CNOT2: variants seen among roughly 807,000 people sequenced by gnomAD.
CNOT2 encodes CC chemokine receptor 4-negative regulator of transcription 2.
Under a neutral mutation model 72.1 loss-of-function variants are expected in CNOT2, and 7 were observed. That is an observed-to-expected ratio of 0.10 (90% CI 0.06 to 0.18). The LOEUF is 0.18. Ranked by LOEUF, CNOT2 falls within the 10% of genes least tolerant of loss-of-function variation. The pLI is 1.00. For missense variants in CNOT2, 345 were observed against 660.3 expected, an observed-to-expected ratio of 0.52 and a Z score of 5.23; for synonymous variants, 196 against 225.6, an observed-to-expected ratio of 0.87 and a Z score of 1.17.
chr12:70,292,280 C>T (rs1175274665), intron 2 of CNOT2, among the ~76,000 whole-genome samples: 2 of 152,124 alleles, frequency 1.3e-5, no homozygotes, highest in African/African-American at 4.8e-5. Flanking sequence ...ATCTGACAAA[C>T]CCCAACTGTG....
chr12:70,277,294 A>G (rs1869002705), intron 1 of CNOT2, among the ~76,000 whole-genome samples: 1 of 152,038 alleles, frequency 6.6e-6, no homozygotes, highest in Non-Finnish European at 1.5e-5. Flanking sequence ...TTGAACTCTC[A>G]TTTTCAATAT....
intron 1 of CNOT2, among the ~76,000 whole-genome samples, chr12:70,260,563 A>G (rs1040056878): frequency 2.6e-5 from 4 of 152,074 alleles, no homozygotes; most frequent in South Asian, 2.1e-4. Context: ...TTAAACTGCT[A>G]TGTAAACTGT....
At chr12:70,293,824 G>T (rs1193159147) in intron 2 of CNOT2, among the ~76,000 whole-genome samples, 2 of 148,678 alleles carry the variant, frequency 1.3e-5, no homozygotes, top group African/African-American at 4.9e-5. Context: ...CAAAGTATTT[G>T]AACACACTGT....
intron 2 of CNOT2, among the ~76,000 whole-genome samples, chr12:70,304,469 C>T (rs1035917743): frequency 1.3e-5 from 2 of 152,206 alleles, no homozygotes; most frequent in Non-Finnish European, 2.9e-5. Flanking sequence ...GAGGTCCACT[C>T]CAGACCCTGT....
chr12:70,296,761 C>T (rs1018889829), intron 2 of CNOT2, among the ~76,000 whole-genome samples: 1 of 146,410 alleles, frequency 6.8e-6, no homozygotes, highest in Non-Finnish European at 1.5e-5. Context: ...ATTTAAGCCC[C>T]CCCCCCTTTT....
intron 2 of CNOT2, among the ~76,000 whole-genome samples, chr12:70,294,750 G>T (rs530983097): frequency 6.6e-5 from 10 of 152,248 alleles, no homozygotes; most frequent in African/African-American, 2.2e-4. Context: ...GAGGTATTAG[G>T]CAGGTAGCTA....
intron 14 of CNOT2, chr12:70,345,287 A>G (rs1882026071): frequency 6.6e-6 from 1 of 152,194 alleles, no homozygotes; most frequent in Non-Finnish European, 1.5e-5. Context: ...TATATAATTC[A>G]GTATGTTGAT....
In CNOT2 at chr12:70,333,599, G is replaced by T. The variant is rs1450962515; in HGVS notation, c.649+753G>T. 3.3e-5 allele frequency among the ~76,000 whole-genome samples: 5 copies of T among 152,004 alleles called. No homozygotes were observed. In the East Asian group the frequency reaches 9.7e-4, roughly 29 times the overall value. Reference sequence around the variant, plus strand: ...GGATTAAATGTAAAGGAAGTGGAAGGTAAAAGAATGCTCACTGAAATGGAG... The same window carrying T: ...GGATTAAATGTAAAGGAAGTGGAAGTTAAAAGAATGCTCACTGAAATGGAG... On this transcript the variant is annotated intron_variant, in intron 7 of 15. Coordinates refer to ENST00000229195, the MANE Select transcript of CNOT2 (RefSeq NM_014515.7).
At chr12:70,314,251 TG>T in intron 3 of CNOT2, among the ~76,000 whole-genome samples, 1 of 152,294 alleles carries the variant, frequency 6.6e-6, no homozygotes, top group Non-Finnish European at 1.5e-5. Context: ...TGATTGAGAA[TG>T]TAAGCCCTGG....
chr12:70,257,642 C>T (rs1230800399), intron 1 of CNOT2, among the ~76,000 whole-genome samples: 2 of 151,988 alleles, frequency 1.3e-5, no homozygotes, highest in African/African-American at 2.4e-5. Context: ...GCTGGGATTA[C>T]AGGTGTGAGC....
At chr12:70,304,594 G>A (rs1224850758) in intron 2 of CNOT2, among the ~76,000 whole-genome samples, 5 of 152,156 alleles carry the variant, frequency 3.3e-5, no homozygotes, top group Non-Finnish European at 5.9e-5. Flanking sequence ...GCCGTGTGGG[G>A]TGTCAGTCCG....
chr12:70,351,651 G>C (rs1030134333), intron 15 of CNOT2, among the ~76,000 whole-genome samples: 2 of 152,108 alleles, frequency 1.3e-5, no homozygotes, highest in Non-Finnish European at 2.9e-5. Flanking sequence ...AAAAATTTTA[G>C]TTAACTTACT....
intron 15 of CNOT2, among the ~76,000 whole-genome samples, chr12:70,352,649 T>G (rs1593304890): frequency 6.6e-6 from 1 of 152,214 alleles, no homozygotes; most frequent in Non-Finnish European, 1.5e-5. Flanking sequence ...TTCATAATTC[T>G]TTAAGTTGGA....
chr12:70,262,096 T>G (rs1389940854), intron 1 of CNOT2, among the ~76,000 whole-genome samples: 1 of 152,106 alleles, frequency 6.6e-6, no homozygotes, highest in African/African-American at 2.4e-5. Flanking sequence ...GTTTTCTTTT[T>G]TTTTCTTTTC....
At chr12:70,257,240 G>A (rs1462234117) in intron 1 of CNOT2, among the ~76,000 whole-genome samples, 1 of 151,790 alleles carries the variant, frequency 6.6e-6, no homozygotes, top group Non-Finnish European at 1.5e-5. Flanking sequence ...TGTAAGAACA[G>A]GTATAATATA....
At chr12:70,317,867 G>C (rs79192052) in intron 3 of CNOT2, among the ~76,000 whole-genome samples, 14,461 of 151,616 alleles carry the variant, frequency 0.095, 894 homozygotes, top group Middle Eastern at 0.19. Flanking sequence ...CCACAAGACA[G>C]GGTGAGAAAA....
At chr12:70,250,600 A>G (rs12300208) in intron 1 of CNOT2, among the ~76,000 whole-genome samples, 25 of 152,200 alleles carry the variant, frequency 1.6e-4, no homozygotes, top group African/African-American at 5.8e-4. Flanking sequence ...ATAAAGGGGG[A>G]TAAAGGTACA....
intron 1 of CNOT2, among the ~76,000 whole-genome samples, chr12:70,247,874 G>A (rs971068501): frequency 1.3e-5 from 2 of 152,208 alleles, no homozygotes; most frequent in Admixed American, 1.3e-4. Context: ...TGGAAAAGTG[G>A]TGGGGAGAAT....
At chr12:70,299,888 G>T (rs1873581754) in intron 2 of CNOT2, among the ~76,000 whole-genome samples, 1 of 152,148 alleles carries the variant, frequency 6.6e-6, no homozygotes, top group South Asian at 2.1e-4. Flanking sequence ...AGCACCTGTT[G>T]TTTCCTGACT....
Sources: gnomAD v4.1 joint callset for allele counts (sites outside exome capture counted in the v4.1 genomes callset) on GRCh38, gnomAD v4.1.1 for gene constraint, MANE v1.5 for transcripts, NCBI Gene and HGNC (gene_info 2026-07-23, HGNC 2026-07-21) for gene names.